The following STARD13 variants were observed in gnomAD, a reference collection of about 807,000 sequenced individuals.
STARD13 encodes the protein stAR-related lipid transfer protein 13.
A neutral mutation model predicts 106.4 loss-of-function variants in STARD13; 62 were observed. The ratio of observed to expected loss-of-function variants is 0.58; its 90% CI spans 0.48 to 0.72. The LOEUF (loss-of-function observed/expected upper bound fraction) is 0.72, where lower values mean the gene tolerates loss of function less well. STARD13 is among the 30% of genes least tolerant of loss of function. The probability of loss-of-function intolerance (pLI) is 0.00; values close to 1 mark genes in which losing one functional copy is unlikely to be tolerated. For synonymous variants in STARD13, 565 were observed against 553.0 expected, an observed-to-expected ratio of 1.02 and a Z score of -0.31; for missense variants, 1,387 against 1,424.0, an observed-to-expected ratio of 0.97 and a Z score of 0.42.
the STARD13 span, among the ~76,000 whole-genome samples, chr13:33,386,430 C>G: frequency 2.0e-4 from 31 of 152,258 alleles, no homozygotes; most frequent in South Asian, 8.3e-4. Context: ...TGGTCACCCT[C>G]CAGGTATGGT....
At chr13:33,185,930 A>G in intron 1 of STARD13, 3 of 1,614,250 alleles carry the variant, frequency 1.9e-6, no homozygotes, top group Non-Finnish European at 2.5e-6. Context: ...CACCACAGAC[A>G]GTGTCTTTGC....
chr13:33,127,687 C>T (rs1229146416), intron 5 of STARD13, 141 bp from the exon 6 acceptor site: 8 of 760,082 alleles, frequency 1.1e-5, no homozygotes, highest in African/African-American at 1.8e-5. Context: ...ACAGAAGACA[C>T]AAGTGTGCAG....
the STARD13 span, among the ~76,000 whole-genome samples, chr13:33,361,140 C>G: frequency 6.6e-6 from 1 of 150,744 alleles, no homozygotes; most frequent in Non-Finnish European, 1.5e-5. Flanking sequence ...ACTGAGTGTG[C>G]CTGCCTCCCC....
the STARD13 span, among the ~76,000 whole-genome samples, chr13:33,656,054 C>T: frequency 1.6e-3 from 250 of 152,348 alleles, no homozygotes; most frequent in Middle Eastern, 3.4e-3. Flanking sequence ...TGGGCAACTT[C>T]TCTCCTACTC....
chr13:33,106,990 G>T, intron 12 of STARD13, 56 bp from the exon 13 acceptor site: 2 of 1,524,058 alleles, frequency 1.3e-6, no homozygotes, highest in South Asian at 1.2e-5. Flanking sequence ...AGAAGAACCT[G>T]AACACAGAGC....
the STARD13 span, among the ~76,000 whole-genome samples, chr13:33,541,140 T>G: frequency 6.6e-6 from 1 of 152,302 alleles, no homozygotes; most frequent in Non-Finnish European, 1.5e-5. Context: ...TTAAGGTTGG[T>G]TATATACGAT....
the STARD13 span, among the ~76,000 whole-genome samples, chr13:33,421,710 A>G: frequency 9.9e-5 from 15 of 152,206 alleles, no homozygotes; most frequent in Admixed American, 9.8e-4. Flanking sequence ...AATACCAGCA[A>G]ACCGAATCCA....
intron 3 of STARD13, among the ~76,000 whole-genome samples, chr13:33,154,992 C>T (rs916976091): frequency 5.9e-5 from 9 of 152,092 alleles, no homozygotes; most frequent in Admixed American, 5.2e-4. Context: ...CTTCCCCTTC[C>T]CCTGCCTGCC....
chr13:33,499,588 C>CCTCTTCTTCTTCT, the STARD13 span, among the ~76,000 whole-genome samples: 1 of 65,600 alleles, frequency 1.5e-5, no homozygotes, highest in South Asian at 6.0e-4. Context: ...TCTTCTTCTT[C>CCTCTTCTTCTTCT]TTCTTCTTCT....
the STARD13 span, among the ~76,000 whole-genome samples, chr13:33,644,166 C>T: frequency 1.1e-4 from 17 of 152,266 alleles, no homozygotes; most frequent in Admixed American, 9.2e-4. Flanking sequence ...GCGGGAGAAT[C>T]GGAGAGGGTT....
chr13:33,113,919 G>C (rs2138082235), intron 8 of STARD13, among the ~76,000 whole-genome samples: 1 of 152,300 alleles, frequency 6.6e-6, no homozygotes, highest in African/African-American at 2.4e-5. Flanking sequence ...ACCGTCAGGA[G>C]CTTGCTTCTG....
At chr13:33,532,752 T>G in the STARD13 span, among the ~76,000 whole-genome samples, 3 of 152,228 alleles carry the variant, frequency 2.0e-5, no homozygotes, top group Non-Finnish European at 2.9e-5. Context: ...CAATTGTTTA[T>G]TTATATCTCA....
At chr13:33,556,156 GTAAAA>G in the STARD13 span, among the ~76,000 whole-genome samples, 1 of 152,122 alleles carries the variant, frequency 6.6e-6, no homozygotes, top group African/African-American at 2.4e-5. Context: ...ATAAGGTAAG[GTAAAA>G]TAAAATCAAG....
downstream of STARD13, among the ~76,000 whole-genome samples, chr13:33,344,499 T>C (rs1473684236): frequency 6.9e-6 from 1 of 144,960 alleles, no homozygotes; most frequent in African/African-American, 2.7e-5. Flanking sequence ...CATTTAGATG[T>C]TAAGAGGAAG....
chr13:33,150,580 G>A (rs1881141920), intron 3 of STARD13, among the ~76,000 whole-genome samples: 6 of 152,210 alleles, frequency 3.9e-5, no homozygotes, highest in Admixed American at 2.0e-4. Flanking sequence ...ACCCAGCACA[G>A]GCTATTCAAT....
At chr13:33,569,830 A>G in the STARD13 span, among the ~76,000 whole-genome samples, 1 of 147,836 alleles carries the variant, frequency 6.8e-6, no homozygotes, top group Non-Finnish European at 1.5e-5. Context: ...AATAAAATGA[A>G]TAAGGAGAAT....
chr13:33,453,302 T>G, the STARD13 span, among the ~76,000 whole-genome samples: 1 of 152,314 alleles, frequency 6.6e-6, no homozygotes, highest in East Asian at 1.9e-4. Flanking sequence ...CTTGTTCAGC[T>G]GAATATACGC....
chr13:33,313,922 TG>T (rs1297432008), intron 1 of STARD13, among the ~76,000 whole-genome samples: 1 of 152,196 alleles, frequency 6.6e-6, no homozygotes, highest in Non-Finnish European at 1.5e-5. Flanking sequence ...AAATACTCTC[TG>T]ACCTTCTTTG....
At chr13:33,399,746 A>G in the STARD13 span, among the ~76,000 whole-genome samples, 1 of 151,292 alleles carries the variant, frequency 6.6e-6, no homozygotes, top group Non-Finnish European at 1.5e-5. Flanking sequence ...AAGTTTTTAC[A>G]AATCAAGCAT....
Sources: gnomAD v4.1 joint callset for allele counts (sites outside exome capture counted in the v4.1 genomes callset) on GRCh38, gnomAD v4.1.1 for gene constraint, MANE v1.5 for transcripts, NCBI Gene and HGNC (gene_info 2026-07-23, HGNC 2026-07-21) for gene names.